Variants in SLC14A2 observed in about 807,000 individuals in gnomAD.
SLC14A2 encodes urea transporter 2.
A neutral mutation model predicts 104.6 loss-of-function variants in SLC14A2; 91 were observed. The ratio of observed to expected loss-of-function variants is 0.87; its 90% CI spans 0.73 to 1.04. The LOEUF (loss-of-function observed/expected upper bound fraction) is 1.04, where lower values mean the gene tolerates loss of function less well. Ranked by LOEUF, SLC14A2 falls within the 50% of genes least tolerant of loss-of-function variation. SLC14A2 has a pLI of 0.00. For missense variants in SLC14A2, 1,189 were observed against 1,156.0 expected (o/e 1.03, Z -0.41); for synonymous variants, 476 against 466.4 (o/e 1.02, Z -0.27).
rs546585697 is a variant in SLC14A2 at position 45,236,203 on chromosome 18, A to G, written c.-125+23012A>G. On this transcript the variant is annotated intron_variant, in intron 1 of 20. Transcript: ENST00000586448. ...TATATGTGTGTATATATGTGTATAT[A>G]TACATATATGTGTGTATATATGTGT... is the stretch of plus-strand genomic sequence containing the variant. 3.2e-5 allele frequency among the ~76,000 whole-genome samples: 2 copies of G among 61,616 alleles called. 1 individual carries two copies. The highest frequency in any genetic ancestry group is 5.8e-5 in the Non-Finnish European group (2 of 34,366). The allele number at this position is 61,616 out of a possible 152,430, so 40.4% of individuals were successfully genotyped here.
chr18:45,242,273 T>C (rs1162078327), intron 1 of SLC14A2, among the ~76,000 whole-genome samples: 1 of 152,192 alleles, frequency 6.6e-6, no homozygotes, highest in African/African-American at 2.4e-5. Flanking sequence ...TACTTTCATC[T>C]TGAAATGTTC....
At chr18:45,227,678 G>A (rs898965220) in intron 1 of SLC14A2, among the ~76,000 whole-genome samples, 1 of 152,186 alleles carries the variant, frequency 6.6e-6, no homozygotes, top group African/African-American at 2.4e-5. Context: ...GGCAGATGAC[G>A]AAGCACTTCT....
chr18:45,578,763 C>G (rs894364059), intron 2 of SLC14A2, among the ~76,000 whole-genome samples: 1 of 152,224 alleles, frequency 6.6e-6, no homozygotes, highest in Non-Finnish European at 1.5e-5. Context: ...ATAATTATTA[C>G]TCCTGTCCTT....
At chr18:45,532,100 G>T (rs913061242) in intron 2 of SLC14A2, among the ~76,000 whole-genome samples, 5 of 152,178 alleles carry the variant, frequency 3.3e-5, no homozygotes, top group Non-Finnish European at 7.3e-5. Flanking sequence ...TTTTGTTACT[G>T]TAGCTTTGTA....
At chr18:45,495,907 C>G (rs1371276156) in intron 2 of SLC14A2, among the ~76,000 whole-genome samples, 2 of 152,338 alleles carry the variant, frequency 1.3e-5, no homozygotes, top group East Asian at 1.9e-4. Context: ...CAAGCGCCAA[C>G]TCCCAGGTCT....
chr18:45,405,734 T>A (rs1325105189), intron 1 of SLC14A2, among the ~76,000 whole-genome samples: 2 of 151,812 alleles, frequency 1.3e-5, no homozygotes, highest in Non-Finnish European at 1.5e-5. Flanking sequence ...CTGTCTCTAG[T>A]AAAAATACAA....
In SLC14A2 at chr18:45,290,751, C is replaced by T. The variant is rs770127143; in HGVS notation, c.-125+77560C>T. ...GATATTTTCGATATGTTTGGTTAAA[C>T]AAAATATTAATTTCATCTGTTTATT... On this transcript the variant is annotated intron_variant, in intron 1 of 20. Transcript: ENST00000586448. Among the ~76,000 whole-genome samples the T allele has an allele frequency of 2.0e-4, 31 of 151,940 alleles. 1 individual carries two copies. The highest frequency in any genetic ancestry group is 8.3e-4 in the South Asian group (4 of 4,806).
At chr18:45,335,873 A>G (rs556916981) in intron 1 of SLC14A2, among the ~76,000 whole-genome samples, 1 of 152,276 alleles carries the variant, frequency 6.6e-6, no homozygotes, top group Non-Finnish European at 1.5e-5. Flanking sequence ...GGAAGGTGCT[A>G]AATTCTTGCT....
intron 2 of SLC14A2, among the ~76,000 whole-genome samples, chr18:45,525,794 G>A (rs2043587686): frequency 6.6e-6 from 1 of 152,186 alleles, no homozygotes; most frequent in South Asian, 2.1e-4. Context: ...CAATGCAATA[G>A]CAACTCCCCA....
intron 2 of SLC14A2, among the ~76,000 whole-genome samples, chr18:45,594,990 C>T (rs2044701216): frequency 6.6e-6 from 1 of 152,160 alleles, no homozygotes; most frequent in Non-Finnish European, 1.5e-5. Flanking sequence ...GCTTCCTTCT[C>T]CGGAATGTAA....
intron 5 of SLC14A2, among the ~76,000 whole-genome samples, chr18:45,635,455 G>A (rs574515522): frequency 6.6e-6 from 1 of 152,334 alleles, no homozygotes. Flanking sequence ...TGTCATGGTA[G>A]CCCAGACAAA....
At chr18:45,396,859 C>T (rs2086039520) in intron 1 of SLC14A2, among the ~76,000 whole-genome samples, 1 of 151,880 alleles carries the variant, frequency 6.6e-6, no homozygotes, top group Admixed American at 6.6e-5. Flanking sequence ...GTCTGTTGTT[C>T]CCTTTGTGTT....
chr18:45,556,520 G>C (rs954498282), intron 2 of SLC14A2, among the ~76,000 whole-genome samples: 1 of 152,084 alleles, frequency 6.6e-6, no homozygotes, highest in Non-Finnish European at 1.5e-5. Context: ...CTGGGTTCTC[G>C]GCCTACTTCA....
intron 2 of SLC14A2, among the ~76,000 whole-genome samples, chr18:45,562,017 A>G (rs542647406): frequency 2.0e-5 from 3 of 152,224 alleles, no homozygotes; most frequent in East Asian, 3.9e-4. Context: ...TAAGCAAACA[A>G]TGCTGCATTG....
intron 2 of SLC14A2, among the ~76,000 whole-genome samples, chr18:45,593,167 A>C (rs527306156): frequency 6.6e-6 from 1 of 151,972 alleles, no homozygotes; most frequent in African/African-American, 2.4e-5. Context: ...AATACGAAAA[A>C]ATTAGCCGGG....
chr18:45,324,751 C>T (rs1255774827), intron 1 of SLC14A2, among the ~76,000 whole-genome samples: 1 of 151,302 alleles, frequency 6.6e-6, no homozygotes, highest in Admixed American at 6.6e-5. Flanking sequence ...TTTCAGCCAC[C>T]GCCCCCCACC....
chr18:45,440,208 C>CATT (rs1329326493), intron 1 of SLC14A2, among the ~76,000 whole-genome samples: 1 of 138,910 alleles, frequency 7.2e-6, no homozygotes, highest in East Asian at 2.1e-4. Flanking sequence ...TCAGAGAAAT[C>CATT]ATTTTTCAAG....
intron 1 of SLC14A2, among the ~76,000 whole-genome samples, chr18:45,304,306 G>A (rs1440269618): frequency 6.6e-6 from 1 of 152,174 alleles, no homozygotes; most frequent in African/African-American, 2.4e-5. Context: ...ATTCCTTGTG[G>A]GTTTCTCATG....
At chr18:45,394,887 C>T (rs191574430) in intron 1 of SLC14A2, among the ~76,000 whole-genome samples, 6 of 152,060 alleles carry the variant, frequency 3.9e-5, no homozygotes, top group East Asian at 3.9e-4. Context: ...TAAAATGGTG[C>T]GGTCACTGTG....
Sources: allele counts gnomAD v4.1 joint callset (sites outside exome capture counted in the v4.1 genomes callset), GRCh38; gene constraint gnomAD v4.1.1; transcripts MANE v1.5; gene names NCBI Gene and HGNC (gene_info 2026-07-23, HGNC 2026-07-21).